The following RNF128 variants were observed in gnomAD, a reference collection of about 807,000 sequenced individuals.
RNF128 encodes the protein E3 ubiquitin-protein ligase RNF128.
In RNF128, 13 loss-of-function variants were observed where a neutral mutation model predicts 26.2. The ratio of observed to expected loss-of-function variants is 0.50; its 90% CI spans 0.32 to 0.79. The LOEUF (loss-of-function observed/expected upper bound fraction) is 0.79, where lower values mean the gene tolerates loss of function less well. Ranked by LOEUF, RNF128 falls within the 30% of genes least tolerant of loss-of-function variation. The pLI is 0.03. For synonymous variants in RNF128, 149 were observed against 142.5 expected, an observed-to-expected ratio of 1.05 and a Z score of -0.32; for missense variants, 315 against 349.7, an observed-to-expected ratio of 0.90 and a Z score of 0.79.
In RNF128 at chrX:106,749,894, G is replaced by C. The variant is rs184278805; in HGVS notation, c.484+22497G>C. The stretch of plus-strand genomic sequence containing the variant: ...CACTCCAGCCTGGGCAACAGAGCGA[G>C]ACCTTGTTTCAAAAAAAAAAAAAAG... On this transcript the variant is annotated intron_variant, in intron 1 of 6. Coordinates refer to ENST00000255499, the MANE Select transcript of RNF128 (RefSeq NM_194463.2). Among the ~76,000 whole-genome samples the C allele has an allele frequency of 1.4e-4, 15 of 103,885 alleles. No homozygotes were observed. The East Asian group carries it at 3.8e-3, about 26-fold the overall frequency. The allele number at this position is 103,885 out of a possible 115,157, so 90.2% of individuals were successfully genotyped here. A position where few individuals can be genotyped will look rare whatever the true frequency, so the allele number is the denominator to read the frequency against.
At chrX:106,746,842 G>A (rs1274502093) in intron 1 of RNF128, among the ~76,000 whole-genome samples, 1 of 111,395 alleles carries the variant, frequency 9.0e-6, no homozygotes, top group Admixed American at 9.6e-5. Context: ...GAATGAAAAT[G>A]CATGAAACTC....
intron 4 of RNF128, among the ~76,000 whole-genome samples, chrX:106,789,923 G>T: frequency 9.1e-6 from 1 of 110,122 alleles, no homozygotes. Context: ...TCTTAGGTCA[G>T]GTAGTGTCCT....
rs1279882058 is a variant in RNF128 at position 106,789,378 on chromosome X, T to C, written c.888-808T>C. Among the ~76,000 whole-genome samples, 4 of 96,089 alleles carry C rather than the reference T, an allele frequency of 4.2e-5. No individual in the cohort carries two copies. The Admixed American group carries it at 5.0e-4, about 12-fold the overall frequency. 83.4% of individuals were successfully genotyped at this position (96,089 alleles called of 115,157 possible). A position where few individuals can be genotyped will look rare whatever the true frequency, so the allele number is the denominator to read the frequency against. ...ATTATGTATATATGTATATTATATA[T>C]TTATGTATATATATGTACATTATAT... is the stretch of plus-strand genomic sequence containing the variant. On this transcript the variant is annotated intron_variant, in intron 4 of 6. Transcript: ENST00000255499.
At chrX:106,695,320 C>T (rs901481541) in intron 1 of RNF128, among the ~76,000 whole-genome samples, 2 of 110,405 alleles carry the variant, frequency 1.8e-5, no homozygotes, top group Non-Finnish European at 3.8e-5. Flanking sequence ...CAAATTTGGC[C>T]TCTAAGAAAA....
chrX:106,791,545 T>C (rs1930826299), intron 6 of RNF128, among the ~76,000 whole-genome samples: 1 of 111,259 alleles, frequency 9.0e-6, no homozygotes, highest in Non-Finnish European at 1.9e-5. Context: ...AACTTTAAAC[T>C]TTAGGAGCCA....
intron 2 of RNF128, among the ~76,000 whole-genome samples, chrX:106,784,135 G>T (rs983718920): frequency 8.9e-6 from 1 of 111,733 alleles, no homozygotes; most frequent in African/African-American, 3.3e-5. Flanking sequence ...TTCACTTGAG[G>T]CATTCCTGTC....
chrX:106,756,164 A>C (rs1388564032), intron 1 of RNF128, among the ~76,000 whole-genome samples: 1 of 111,646 alleles, frequency 9.0e-6, no homozygotes, highest in Non-Finnish European at 1.9e-5. Flanking sequence ...ATACTGCCCA[A>C]GGTAATTTAC....
chrX:106,727,715 G>C (rs764022203), intron 1 of RNF128, among the ~76,000 whole-genome samples: 1 of 111,516 alleles, frequency 9.0e-6, no homozygotes, highest in African/African-American at 3.3e-5. Context: ...TGGATTAAGT[G>C]GTGGTGGGCA....
chrX:106,768,219 G>T lies in RNF128; in HGVS notation c.485-4694G>T, dbSNP rs1375812586. Reference sequence around the variant, plus strand: ...TGCCAGGCTTTGGTATCAGGATGATGCTGGCCTCATAAAATGAGTTAGGAA... The same window carrying T: ...TGCCAGGCTTTGGTATCAGGATGATTCTGGCCTCATAAAATGAGTTAGGAA... On this transcript the variant is annotated intron_variant, in intron 1 of 6. Coordinates refer to ENST00000255499, the MANE Select transcript of RNF128 (RefSeq NM_194463.2). Among the ~76,000 whole-genome samples, 8 of 111,719 alleles carry T rather than the reference G, an allele frequency of 7.2e-5. No homozygotes were observed. In the Admixed American group the frequency reaches 7.6e-4, roughly 11 times the overall value.
chrX:106,749,154 A>C (rs1042280654), intron 1 of RNF128, among the ~76,000 whole-genome samples: 1 of 112,034 alleles, frequency 8.9e-6, no homozygotes, highest in African/African-American at 3.2e-5. Flanking sequence ...TATGTTTTAA[A>C]TATTCCCTTC....
intron 1 of RNF128, among the ~76,000 whole-genome samples, chrX:106,741,556 T>G (rs142162582): frequency 2.1e-3 from 238 of 112,195 alleles, no homozygotes; most frequent in African/African-American, 7.5e-3. Flanking sequence ...AATTAGTATT[T>G]AATTTTTTAT....
At chrX:106,705,178 C>CT (rs754743562) in intron 1 of RNF128, among the ~76,000 whole-genome samples, 42 of 111,545 alleles carry the variant, frequency 3.8e-4, no homozygotes, top group African/African-American at 1.3e-3. Context: ...AATGGAACTG[C>CT]TTTATAGTCT....
intron 1 of RNF128, among the ~76,000 whole-genome samples, chrX:106,770,461 T>C (rs1039008849): frequency 9.0e-6 from 1 of 111,490 alleles, no homozygotes; most frequent in Non-Finnish European, 1.9e-5. Flanking sequence ...CTCTTTTTTT[T>C]CCTCTAAACT....
intron 4 of RNF128, among the ~76,000 whole-genome samples, chrX:106,788,364 TA>T (rs1930704736): frequency 2.0e-5 from 1 of 49,164 alleles, no homozygotes; most frequent in Non-Finnish European, 3.2e-5. Flanking sequence ...ATACTATATA[TA>T]ATATATATTA....
chrX:106,713,923 C>T lies in RNF128; in HGVS notation c.406+19515C>T, dbSNP rs188819858. On this transcript the variant is annotated intron_variant, in intron 1 of 6. Coordinates refer to the RNF128 transcript ENST00000324342. ...GGGCGCGGTGGCTCACGCCTGTAATCCCAGCACTTTGGGAGGCTGAGGCAG... is the reference window on the plus strand; with the variant it reads ...GGGCGCGGTGGCTCACGCCTGTAATTCCAGCACTTTGGGAGGCTGAGGCAG... Among the ~76,000 whole-genome samples the T allele has an allele frequency of 8.0e-3, 894 of 111,611 alleles. 9 individuals carry two copies. Among genetic ancestry groups the T allele is most frequent in the African/African-American group, 0.027 (839 of 30,687 alleles).
At chrX:106,727,469 C>T in intron 1 of RNF128, 72 bp downstream of exon 1, 1 of 1,134,362 alleles carries the variant, frequency 8.8e-7, no homozygotes, top group Non-Finnish European at 1.2e-6. Context: ...TCCTCATTGC[C>T]CTCCTCGTCC....
At chrX:106,738,852 C>T (rs1426028287) in intron 1 of RNF128, among the ~76,000 whole-genome samples, 2 of 111,496 alleles carry the variant, frequency 1.8e-5, no homozygotes, top group Non-Finnish European at 3.8e-5. Context: ...AGTGCACATC[C>T]TGGTTTATTA....
intron 1 of RNF128, among the ~76,000 whole-genome samples, chrX:106,771,919 C>A (rs1930379730): frequency 8.9e-6 from 1 of 112,429 alleles, no homozygotes; most frequent in Non-Finnish European, 1.9e-5. Flanking sequence ...TGTATTTATT[C>A]CAGATTGGAG....
intron 2 of RNF128, among the ~76,000 whole-genome samples, chrX:106,775,158 A>G (rs1930445152): frequency 8.9e-6 from 1 of 112,040 alleles, no homozygotes; most frequent in Non-Finnish European, 1.9e-5. Context: ...CAGGCCACTC[A>G]GTAGTTTCAC....
Sources: gnomAD v4.1 joint callset for allele counts (sites outside exome capture counted in the v4.1 genomes callset) on GRCh38, gnomAD v4.1.1 for gene constraint, MANE v1.5 for transcripts, NCBI Gene and HGNC (gene_info 2026-07-23, HGNC 2026-07-21) for gene names.